EIF4E3: variants seen among roughly 807,000 people sequenced by gnomAD.
The protein encoded by EIF4E3 is eukaryotic translation initiation factor 4E family member 3.
In EIF4E3, 26 loss-of-function variants were observed where a neutral mutation model predicts 31.7. That is an observed-to-expected ratio of 0.82 (90% CI 0.60 to 1.14). The LOEUF is 1.14. Among genes scored for constraint, EIF4E3 ranks in the 50% most tolerant of loss-of-function variants. EIF4E3 has a pLI of 0.00. For missense variants in EIF4E3, 304 were observed against 270.9 expected (o/e 1.12, Z -0.86); for synonymous variants, 128 against 107.7 (o/e 1.19, Z -1.17).
At chr3:71,754,600 T>C, upstream of EIF4E3, 1 of 1,436,940 alleles carries the variant, frequency 7.0e-7, no homozygotes, top group Non-Finnish European at 9.1e-7. The surrounding 1 kb of genome is among the most constrained non-coding windows in gnomAD (Gnocchi z 5.8). Flanking sequence ...CCCGGCGCGC[T>C]GGGCTTCCTG....
chr3:71,696,151 T>A (rs553920370), intron 4 of EIF4E3, among the ~76,000 whole-genome samples: 2 of 152,364 alleles, frequency 1.3e-5, no homozygotes, highest in African/African-American at 4.8e-5. Context: ...ATGTTGGTCA[T>A]GGCTGTCAAG....
chr3:71,697,489 AC>A (rs1332946527), intron 3 of EIF4E3, among the ~76,000 whole-genome samples: 2 of 152,164 alleles, frequency 1.3e-5, no homozygotes, highest in African/African-American at 4.8e-5. Flanking sequence ...AACTATAGTT[AC>A]CCTATTGTGC....
chr3:71,716,602 T>A (rs182813469), intron 1 of EIF4E3, among the ~76,000 whole-genome samples: 28 of 152,340 alleles, frequency 1.8e-4, no homozygotes, highest in African/African-American at 6.7e-4. Context: ...TATCATGTTG[T>A]ACATGCATAC....
chr3:71,708,971 T>C (rs1438644240), intron 2 of EIF4E3, among the ~76,000 whole-genome samples: 9 of 152,122 alleles, frequency 5.9e-5, no homozygotes, highest in Admixed American at 4.6e-4. Context: ...CAGGACTGTG[T>C]CTTCACACCC....
chr3:71,733,759 T>C (rs1490010608), intron 1 of EIF4E3, among the ~76,000 whole-genome samples: 1 of 152,056 alleles, frequency 6.6e-6, no homozygotes, highest in Non-Finnish European at 1.5e-5. Flanking sequence ...TGAAATACTT[T>C]ATAAGTCATT....
Position 71,720,553 on chromosome 3 carries a change from G to A in EIF4E3, c.176+4639C>T, listed in dbSNP as rs146279961. 9.3e-4 allele frequency among the ~76,000 whole-genome samples: 141 copies of A among 152,252 alleles called. 1 individual carries two copies. Among genetic ancestry groups the A allele is most frequent in the South Asian group, 2.1e-3 (10 of 4,824 alleles). On this transcript the variant is annotated intron_variant, in intron 1 of 6. Coordinates refer to ENST00000425534, the MANE Select transcript of EIF4E3 (RefSeq NM_001134651.2). The stretch of plus-strand genomic sequence containing the variant: ...ACCACCACCTCTCAAAGCTGCTCTG[G>A]TAGACGTAGTGGTGGAGATCCAGAA...
At chr3:71,687,441 C>G (rs1306729857) in intron 6 of EIF4E3, among the ~76,000 whole-genome samples, 4 of 152,162 alleles carry the variant, frequency 2.6e-5, no homozygotes, top group African/African-American at 9.7e-5. Context: ...TCATGTGTTA[C>G]AAAATATACT....
chr3:71,691,257 T>C (rs1437568776), intron 5 of EIF4E3, among the ~76,000 whole-genome samples: 2 of 152,220 alleles, frequency 1.3e-5, no homozygotes, highest in Non-Finnish European at 2.9e-5. Context: ...AATCTAAATA[T>C]TCATGCCATC....
chr3:71,747,314 T>C (rs577461001), intron 1 of EIF4E3, among the ~76,000 whole-genome samples: 78 of 152,342 alleles, frequency 5.1e-4, no homozygotes, highest in African/African-American at 1.8e-3. Flanking sequence ...TTTTTGATAA[T>C]AGCCACTATA....
intron 1 of EIF4E3, among the ~76,000 whole-genome samples, chr3:71,742,603 G>A (rs541790179): frequency 6.6e-6 from 1 of 152,004 alleles, no homozygotes; most frequent in South Asian, 2.1e-4. Flanking sequence ...TTGAAAAGGA[G>A]AGAATACATT....
In EIF4E3 at chr3:71,696,509, C is replaced by A; in HGVS notation, c.356G>T (p.Ser119Ile). 1 of 1,614,092 alleles carries A rather than the reference C, an allele frequency of 6.2e-7. No individual in the cohort carries two copies. Among genetic ancestry groups the A allele is most frequent in the Middle Eastern group, 1.6e-4 (1 of 6,062 alleles). ...GERRPLWEEE[S>I]NAKGGVWKMK... ...CTTCCATACGCCACCCTTTGCATTA[C>A]TCTCCTCTTCCCTGGGCCAAAGACC... The change falls in exon 4 of 7, where the codon AGT becomes ATT. Residue 119 changes from serine (S) to isoleucine (I), a missense_variant. By Grantham distance (142) the Ser-to-Ile change is moderately radical (BLOSUM62 -2). Coordinates refer to ENST00000425534, the MANE Select transcript of EIF4E3 (RefSeq NM_001134651.2).
the EIF4E3 span, among the ~76,000 whole-genome samples, chr3:71,661,924 C>T: frequency 1.3e-4 from 20 of 152,128 alleles, no homozygotes; most frequent in Non-Finnish European, 7.3e-5. Context: ...GTATTTGAAT[C>T]CTGGCTCACC....
At chr3:71,711,349 T>C (rs2049376032) in intron 1 of EIF4E3, among the ~76,000 whole-genome samples, 1 of 152,212 alleles carries the variant, frequency 6.6e-6, no homozygotes, top group East Asian at 1.9e-4. Context: ...AAATAATGCA[T>C]GAAAGCCCAC....
downstream of EIF4E3, among the ~76,000 whole-genome samples, chr3:71,671,918 C>G: frequency 6.6e-6 from 1 of 152,082 alleles, no homozygotes; most frequent in Middle Eastern, 3.4e-3. Flanking sequence ...AGAGCAATCA[C>G]AAGAAGGATG....
At chr3:71,735,023 T>C (rs998147799) in intron 1 of EIF4E3, among the ~76,000 whole-genome samples, 1 of 152,124 alleles carries the variant, frequency 6.6e-6, no homozygotes, top group Non-Finnish European at 1.5e-5. Context: ...CAGTGGTTGG[T>C]CAAATCTTTT....
intron 1 of EIF4E3, among the ~76,000 whole-genome samples, chr3:71,752,464 C>G (rs1418723904): frequency 6.6e-6 from 1 of 152,146 alleles, no homozygotes; most frequent in African/African-American, 2.4e-5. Flanking sequence ...TCATTAAGGC[C>G]CTCTATGATC....
intron 1 of EIF4E3, among the ~76,000 whole-genome samples, chr3:71,724,693 C>T (rs1280074583): frequency 6.6e-6 from 1 of 152,174 alleles, no homozygotes; most frequent in Non-Finnish European, 1.5e-5. Context: ...AGCGGCCGGA[C>T]ACGGGGTGGG....
At chr3:71,722,193 C>T (rs2049562352) in intron 1 of EIF4E3, among the ~76,000 whole-genome samples, 1 of 152,094 alleles carries the variant, frequency 6.6e-6, no homozygotes, top group South Asian at 2.1e-4. Flanking sequence ...ATCTGAGATA[C>T]AGATAGAAGG....
intron 1 of EIF4E3, among the ~76,000 whole-genome samples, chr3:71,716,264 G>A (rs921904441): frequency 2.0e-5 from 3 of 151,864 alleles, no homozygotes; most frequent in South Asian, 2.1e-4. Flanking sequence ...ACGGAGTCTC[G>A]CTCTGTTGCC....
Sources: allele counts gnomAD v4.1 joint callset (sites outside exome capture counted in the v4.1 genomes callset), GRCh38; gene constraint gnomAD v4.1.1; non-coding constraint Gnocchi (gnomAD v3.1); transcripts MANE v1.5; gene names NCBI Gene and HGNC (gene_info 2026-07-23, HGNC 2026-07-21).